ZMAT4: variants seen among roughly 807,000 people sequenced by gnomAD.
The protein encoded by ZMAT4 is zinc finger matrin-type protein 4.
In ZMAT4, 17 loss-of-function variants were observed where a neutral mutation model predicts 28.7. That is an observed-to-expected ratio of 0.59 (90% confidence interval 0.41 to 0.89). The LOEUF is 0.89. Among genes scored for constraint, ZMAT4 ranks in the 40% least tolerant of loss-of-function variants. The probability of loss-of-function intolerance (pLI) is 0.00; values close to 1 mark genes in which losing one functional copy is unlikely to be tolerated. For missense variants in ZMAT4, 240 were observed against 283.8 expected (o/e 0.85, Z 1.11); for synonymous variants, 117 against 109.2 (o/e 1.07, Z -0.44).
chr8:40,674,005 G>T (rs912787995), intron 5 of ZMAT4, among the ~76,000 whole-genome samples: 15 of 148,402 alleles, frequency 1.0e-4, no homozygotes, highest in Non-Finnish European at 2.1e-4. Flanking sequence ...GAGTCAATTT[G>T]TTGCTTTGTT....
intron 5 of ZMAT4, among the ~76,000 whole-genome samples, chr8:40,622,281 G>C (rs1302886502): frequency 1.3e-5 from 2 of 152,206 alleles, no homozygotes; most frequent in African/African-American, 4.8e-5. Flanking sequence ...GAACAGTAGA[G>C]AGCTTGAATA....
chr8:40,775,361 A>G (rs11989268), intron 2 of ZMAT4, among the ~76,000 whole-genome samples: 124,699 of 152,190 alleles, frequency 0.82, 52,609 homozygotes, highest in Non-Finnish European at 0.94. Context: ...AAGGGAGCCC[A>G]CAGACCAGAG....
Position 40,833,706 on chromosome 8 carries a change from T to C in ZMAT4, c.-4-8026A>G, listed in dbSNP as rs528244408. Reference sequence around the variant, plus strand: ...ACTTTTCTTTCATTCACACACCACCTGGGTCGACAGGCAGGAGAATCCCCC... The same window carrying C: ...ACTTTTCTTTCATTCACACACCACCCGGGTCGACAGGCAGGAGAATCCCCC... On this transcript the variant is annotated intron_variant, in intron 1 of 6. Coordinates refer to ENST00000297737, the MANE Select transcript of ZMAT4 (RefSeq NM_024645.3). Among the ~76,000 whole-genome samples the C allele has an allele frequency of 2.0e-5, 3 of 152,150 alleles. No individual in the cohort carries two copies. In the South Asian group the frequency reaches 6.3e-4, roughly 32 times the overall value.
intron 2 of ZMAT4, among the ~76,000 whole-genome samples, chr8:40,821,050 T>G (rs1586114832): frequency 6.6e-6 from 1 of 151,732 alleles, no homozygotes; most frequent in Non-Finnish European, 1.5e-5. Flanking sequence ...TGTGTGGGTG[T>G]GTGTGTGTTG....
intron 6 of ZMAT4, among the ~76,000 whole-genome samples, chr8:40,544,544 C>A (rs1230833142): frequency 1.3e-5 from 2 of 152,184 alleles, no homozygotes; most frequent in African/African-American, 4.8e-5. Context: ...GGCTTCTGAG[C>A]AGACCCCAAA....
intron 5 of ZMAT4, among the ~76,000 whole-genome samples, chr8:40,612,907 G>T (rs536533195): frequency 6.7e-6 from 1 of 150,346 alleles, no homozygotes; most frequent in Non-Finnish European, 1.5e-5. Flanking sequence ...CCGCCTGCCA[G>T]GTTCAAGTGA....
At chr8:40,639,676 G>C (rs1806936072) in intron 5 of ZMAT4, among the ~76,000 whole-genome samples, 1 of 148,420 alleles carries the variant, frequency 6.7e-6, no homozygotes, top group East Asian at 2.0e-4. Context: ...TGAAGTTACA[G>C]AGAACCTGTA....
At chr8:40,742,389 G>A (rs2150535895) in intron 3 of ZMAT4, among the ~76,000 whole-genome samples, 1 of 150,034 alleles carries the variant, frequency 6.7e-6, no homozygotes, top group Non-Finnish European at 1.5e-5. Flanking sequence ...AAATATATGT[G>A]TATAAATATA....
chr8:40,624,557 T>A (rs1806305208), intron 5 of ZMAT4, among the ~76,000 whole-genome samples: 1 of 152,250 alleles, frequency 6.6e-6, no homozygotes, highest in African/African-American at 2.4e-5. Context: ...CTCCAGCCTA[T>A]AGTGTCTGAC....
At chr8:40,549,242 G>C (rs1299884676) in intron 6 of ZMAT4, among the ~76,000 whole-genome samples, 2 of 152,062 alleles carry the variant, frequency 1.3e-5, no homozygotes, top group Non-Finnish European at 2.9e-5. Context: ...ATACATTTCT[G>C]TTCTTTATAA....
intron 1 of ZMAT4, 76 bp from the exon 2 acceptor site, chr8:40,825,756 G>A (rs1241991879): frequency 2.5e-6 from 3 of 1,218,446 alleles, no homozygotes; most frequent in East Asian, 5.2e-5. Flanking sequence ...CGTATGAAAA[G>A]CCAGGATCAC....
At chr8:40,570,666 C>T (rs1346025419) in intron 6 of ZMAT4, among the ~76,000 whole-genome samples, 1 of 152,256 alleles carries the variant, frequency 6.6e-6, no homozygotes, top group South Asian at 2.1e-4. Context: ...AACCACTGCA[C>T]TCTAGCCTGG....
chr8:40,543,471 C>G (rs72636910), intron 6 of ZMAT4, among the ~76,000 whole-genome samples: 6,081 of 152,268 alleles, frequency 0.04, 149 homozygotes, highest in South Asian at 0.093. Flanking sequence ...CCACCCTGAT[C>G]CCCCACCCCA....
intron 4 of ZMAT4, among the ~76,000 whole-genome samples, chr8:40,690,187 G>A (rs1251065791): frequency 6.6e-6 from 1 of 152,130 alleles, no homozygotes; most frequent in Non-Finnish European, 1.5e-5. Context: ...GATAGGCATG[G>A]ACTAACAGGC....
chr8:40,830,580 T>C (rs945724398), intron 1 of ZMAT4, among the ~76,000 whole-genome samples: 2 of 152,230 alleles, frequency 1.3e-5, no homozygotes, highest in Non-Finnish European at 2.9e-5. Flanking sequence ...CAATCAACCA[T>C]TGGTGGACAC....
chr8:40,643,191 C>T (rs998168692), intron 5 of ZMAT4, among the ~76,000 whole-genome samples: 6 of 152,086 alleles, frequency 3.9e-5, no homozygotes, highest in African/African-American at 1.4e-4. Context: ...GAACTGATCC[C>T]AAGCAGTCGA....
intron 5 of ZMAT4, among the ~76,000 whole-genome samples, chr8:40,640,637 T>G (rs1335348040): frequency 1.3e-5 from 2 of 151,860 alleles, no homozygotes; most frequent in African/African-American, 4.8e-5. Flanking sequence ...AAAAAAAGGT[T>G]TTTGTCAACT....
chr8:40,643,579 C>T (rs1327435730), intron 5 of ZMAT4, among the ~76,000 whole-genome samples: 1 of 151,976 alleles, frequency 6.6e-6, no homozygotes, highest in Non-Finnish European at 1.5e-5. Context: ...ATCACAAACT[C>T]CGTCCAGAGG....
intron 1 of ZMAT4, among the ~76,000 whole-genome samples, chr8:40,890,751 C>T (rs1457616454): frequency 1.6e-4 from 25 of 152,126 alleles, no homozygotes; most frequent in Admixed American, 1.6e-3. Context: ...TCCCCTTGCC[C>T]CCAAAACATG....
Sources: allele counts gnomAD v4.1 joint callset (sites outside exome capture counted in the v4.1 genomes callset), GRCh38; gene constraint gnomAD v4.1.1; transcripts MANE v1.5; gene names NCBI Gene and HGNC (gene_info 2026-07-23, HGNC 2026-07-21).